The following BTBD1 variants were observed in gnomAD, a reference collection of about 807,000 sequenced individuals.
BTBD1 encodes the protein BTB/POZ domain-containing protein 1.
In BTBD1, 34 loss-of-function variants were observed where a neutral mutation model predicts 48.0. The ratio of observed to expected loss-of-function variants is 0.71; its 90% CI spans 0.54 to 0.94. The LOEUF (loss-of-function observed/expected upper bound fraction) is 0.94. Ranked by LOEUF, BTBD1 falls within the 40% of genes least tolerant of loss-of-function variation. BTBD1 has a pLI of 0.00. For missense variants in BTBD1, 543 were observed against 625.6 expected (o/e 0.87, Z 1.41); for synonymous variants, 261 against 242.1 (o/e 1.08, Z -0.72).
chr15:83,018,722 T>C lies in BTBD1; in HGVS notation c.1275A>G (p.Ala425=). ...TGACTCTTACTTTGAGTGTTGCACA[T>C]GCTGTGTAGCACACATTGGGCAGGA... ...IEILPNVCYT[A]CATLKGPDSH... The change falls in exon 7 of 8, where the codon GCA becomes GCG. Residue 425 remains alanine, a synonymous_variant. Transcript: ENST00000261721. 1 of 1,613,956 alleles carries C rather than the reference T, an allele frequency of 6.2e-7. No homozygotes were observed. The highest frequency in any genetic ancestry group is 1.3e-5 in the African/African-American group (1 of 75,040).
chr15:83,063,716 T>C (rs933803682), intron 1 of BTBD1, among the ~76,000 whole-genome samples: 2 of 152,232 alleles, frequency 1.3e-5, no homozygotes, highest in African/African-American at 4.8e-5. Flanking sequence ...TGCACCATCC[T>C]GTCTGGCCTA....
chr15:83,054,739 T>A (rs1596443172), intron 2 of BTBD1, among the ~76,000 whole-genome samples: 1 of 152,004 alleles, frequency 6.6e-6, no homozygotes, highest in East Asian at 1.9e-4. Context: ...TTTTTGTATT[T>A]TTAGTAGAGA....
intron 3 of BTBD1, chr15:83,044,633 A>T (rs2032840434): frequency 6.4e-7 from 1 of 1,556,626 alleles, no homozygotes; most frequent in Admixed American, 1.7e-5. Flanking sequence ...GCAGCTTTGC[A>T]GATGGTGCAT....
At chr15:83,019,311 C>T (rs947314611) in intron 6 of BTBD1, among the ~76,000 whole-genome samples, 2 of 151,972 alleles carry the variant, frequency 1.3e-5, no homozygotes, top group Non-Finnish European at 2.9e-5. Flanking sequence ...ATCTGCCCAC[C>T]TCAGCCTCCC....
chr15:83,050,180 TA>T lies in BTBD1; in HGVS notation c.559-3del. 1.9e-6 allele frequency: 3 copies of T among 1,595,410 alleles called. No homozygotes were observed. The highest frequency in any genetic ancestry group is 2.6e-6 in the Non-Finnish European group (3 of 1,164,334). On this transcript the variant is annotated splice_region_variant and splice_polypyrimidine_tract_variant and intron_variant, in intron 2 of 7. Coordinates refer to ENST00000261721, the MANE Select transcript of BTBD1 (RefSeq NM_025238.4). ...CTGAGGTTCATCAAATAATCGAGCC[TA>T]AACATATAAAGAGATAGTTATTTAA... is the stretch of plus-strand genomic sequence containing the variant.
At position 83,067,064 on chromosome 15, in the gene BTBD1, A is replaced by G; in HGVS notation, c.88T>C (p.Ser30Pro). The G allele has an allele frequency of 1.3e-6, 2 of 1,563,974 alleles. No individual in the cohort carries two copies. Among genetic ancestry groups the G allele is most frequent in the Non-Finnish European group, 1.7e-6 (2 of 1,159,364 alleles). The change falls in exon 1 of 8, where the codon TCA becomes CCA. Residue 30 changes from serine (S) to proline (P), a missense_variant. Physicochemically the swap from Ser to Pro is moderately conservative, Grantham distance 74. Around this residue, in one of 3 missense-constraint regions of BTBD1, gnomAD observed 173 missense variants for 163.9 expected, o/e 1.06. Coordinates refer to ENST00000261721, the MANE Select transcript of BTBD1 (RefSeq NM_025238.4). ...AGCAGGGGCCCCAGAGAGGACGGTG[A>G]GGGCGGCGGCGGCGGCCCCGCGGGG... ...PGPAGPPPPP[S>P]PSSLGPLLPL...
intron 5 of BTBD1, among the ~76,000 whole-genome samples, chr15:83,022,048 T>C (rs1038211830): frequency 1.6e-4 from 25 of 152,042 alleles, no homozygotes; most frequent in Admixed American, 1.2e-3. Context: ...CTTACAAACA[T>C]GTAATTTTTT....
intron 5 of BTBD1, among the ~76,000 whole-genome samples, chr15:83,028,013 A>G (rs151241442): frequency 6.6e-6 from 1 of 152,244 alleles, no homozygotes; most frequent in Non-Finnish European, 1.5e-5. Flanking sequence ...AAATGTATAA[A>G]GCATATTATC....
chr15:83,060,595 A>G (rs1176087988), intron 1 of BTBD1, among the ~76,000 whole-genome samples: 1 of 152,044 alleles, frequency 6.6e-6, no homozygotes. Context: ...GGAGTTTGAG[A>G]CCAGCCTGGC....
intron 2 of BTBD1, among the ~76,000 whole-genome samples, chr15:83,051,769 AG>A (rs1339637347): frequency 6.6e-6 from 1 of 151,858 alleles, no homozygotes; most frequent in African/African-American, 2.4e-5. Context: ...TCAAATTTAT[AG>A]AAAAGTTGAA....
chr15:83,063,910 C>G (rs74028220), intron 1 of BTBD1, among the ~76,000 whole-genome samples: 294 of 152,274 alleles, frequency 1.9e-3, no homozygotes, highest in African/African-American at 6.5e-3. Context: ...GACATTGTAT[C>G]TTTAGTTTCC....
chr15:83,025,205 C>A (rs758399756), intron 5 of BTBD1, among the ~76,000 whole-genome samples: 8 of 151,472 alleles, frequency 5.3e-5, no homozygotes, highest in Non-Finnish European at 1.2e-4. Flanking sequence ...AATACAAAAA[C>A]TAGCCAGGCA....
At chr15:83,044,065 T>C (rs1241172443) in intron 3 of BTBD1, among the ~76,000 whole-genome samples, 4 of 152,098 alleles carry the variant, frequency 2.6e-5, no homozygotes, top group African/African-American at 7.2e-5. Context: ...AGAGGAAATT[T>C]GTGAAAAGAA....
intron 1 of BTBD1, among the ~76,000 whole-genome samples, chr15:83,060,562 G>A (rs571277258): frequency 4.1e-4 from 63 of 152,168 alleles, no homozygotes; most frequent in Admixed American, 7.9e-4. Flanking sequence ...GGGAGGCCGA[G>A]GCAGGCGGAT....
intron 1 of BTBD1, among the ~76,000 whole-genome samples, chr15:83,058,427 T>C (rs1391297982): frequency 1.3e-5 from 2 of 152,184 alleles, no homozygotes; most frequent in Non-Finnish European, 2.9e-5. Context: ...CTCAATTCCC[T>C]TCTTAAACTA....
intron 6 of BTBD1, chr15:83,020,134 G>A (rs1373585216): frequency 6.6e-6 from 1 of 152,536 alleles, no homozygotes; most frequent in Non-Finnish European, 1.5e-5. Flanking sequence ...AGTTGGGCAT[G>A]GTGGCACATA....
At chr15:83,033,011 G>A (rs888539564) in intron 4 of BTBD1, among the ~76,000 whole-genome samples, 3 of 141,100 alleles carry the variant, frequency 2.1e-5, no homozygotes, top group South Asian at 4.4e-4. Flanking sequence ...GCATTCAAAT[G>A]ATAGATGGGA....
intron 4 of BTBD1, among the ~76,000 whole-genome samples, chr15:83,035,928 G>C (rs1015512666): frequency 1.2e-4 from 18 of 151,680 alleles, no homozygotes; most frequent in African/African-American, 4.1e-4. Flanking sequence ...CTCTCATTCA[G>C]TAGTCATAAA....
chr15:83,036,831 T>C (rs1266638846), intron 4 of BTBD1, among the ~76,000 whole-genome samples: 1 of 152,156 alleles, frequency 6.6e-6, no homozygotes, highest in African/African-American at 2.4e-5. Context: ...ACCATATATA[T>C]GATTTCCTTT....
Sources: gnomAD v4.1 joint callset for allele counts (sites outside exome capture counted in the v4.1 genomes callset) on GRCh38, gnomAD v4.1.1 for gene constraint, gnomAD v4.1.1 regional missense constraint, MANE v1.5 for transcripts, NCBI Gene and HGNC (gene_info 2026-07-23, HGNC 2026-07-21) for gene names.